PGC: variants seen among roughly 807,000 people sequenced by gnomAD.
PGC encodes progastricsin.
Under a neutral mutation model 45.9 loss-of-function variants are expected in PGC, and 31 were observed. That is an observed-to-expected ratio of 0.67 (90% CI 0.51 to 0.91). The LOEUF (loss-of-function observed/expected upper bound fraction) is 0.91. PGC is among the 40% of genes least tolerant of loss of function. PGC has a pLI of 0.00. For missense variants in PGC, 477 were observed against 493.2 expected (o/e 0.97, Z 0.31); for synonymous variants, 192 against 201.8 (o/e 0.95, Z 0.41).
chr6:41,741,334 G>A, intron 5 of PGC: 5 of 1,037,090 alleles, frequency 4.8e-6, no homozygotes, highest in South Asian at 1.8e-5. Context: ...GTCCAATGAA[G>A]CTAACTGTCT....
Position 41,743,258 on chromosome 6 carries a change from C to T in PGC, c.447+13G>A. ...GCTCACAGCCCCAGCCTCCACTCCC[C>T]ATGCCCACTCACAGTCAGGGTGTCA... On this transcript the variant is annotated intron_variant, in intron 4 of 8. Coordinates refer to ENST00000373025, the MANE Select transcript of PGC (RefSeq NM_002630.4). 1.3e-6 allele frequency: 2 copies of T among 1,510,132 alleles called. No individual in the cohort carries two copies. The highest frequency in any genetic ancestry group is 4.5e-5 in the East Asian group (2 of 44,376). The allele number at this position is 1,510,132 out of a possible 1,614,324, so 93.5% of individuals were successfully genotyped here.
intron 5 of PGC, chr6:41,741,023 G>C: frequency 6.5e-7 from 1 of 1,536,422 alleles, no homozygotes; most frequent in Non-Finnish European, 8.7e-7. Flanking sequence ...TAGTGGTTGG[G>C]ACCCCCAGCC....
intron 1 of PGC, among the ~76,000 whole-genome samples, chr6:41,746,890 C>T (rs1276988764): frequency 6.6e-6 from 1 of 152,188 alleles, no homozygotes; most frequent in Non-Finnish European, 1.5e-5. Flanking sequence ...AATTTTCAGC[C>T]TTAAAGCAAC....
Position 41,744,361 on chromosome 6 carries a change from T to TG in PGC, c.328+35dup. ...CCCAGAGGGTATCAGTGCCTTGCCC[T>TG]GCCAACCACCCCTCTCTGCCCAGCC... On this transcript the variant is annotated intron_variant, in intron 3 of 8. Coordinates refer to ENST00000373025, the MANE Select transcript of PGC (RefSeq NM_002630.4). The surrounding 1 kb of genome is among the most constrained non-coding windows in gnomAD (Gnocchi z 4.4). 2 of 1,490,788 alleles carry TG rather than the reference T, an allele frequency of 1.3e-6. No homozygotes were observed. The highest frequency in any genetic ancestry group is 2.3e-5 in the East Asian group (1 of 44,004). 92.3% of individuals were successfully genotyped at this position (1,490,788 alleles called of 1,614,324 possible). A position where few individuals can be genotyped will look rare whatever the true frequency, so the allele number is the denominator to read the frequency against.
In PGC at chr6:41,745,473, C is replaced by T. The variant is rs6458237; in HGVS notation, c.60-665G>A. ...CAGGCTGGTCTTGATCTCCTGACCT[C>T]GTGACTCGCCTGCCTAGGCCTCCCA... On this transcript the variant is annotated intron_variant, in intron 1 of 8. Transcript: ENST00000373025. Among the ~76,000 whole-genome samples the T allele has an allele frequency of 4.0e-3, 610 of 151,456 alleles. 4 individuals carry two copies. Among genetic ancestry groups the T allele is most frequent in the African/African-American group, 0.014 (577 of 41,212 alleles).
At position 41,742,816 on chromosome 6, in the gene PGC, G is replaced by C. The variant is rs537591898; in HGVS notation, c.448-327C>G. On this transcript the variant is annotated intron_variant, in intron 4 of 8. Transcript: ENST00000373025. ...ATTTTTTGTACTTTTAATAGAGACA[G>C]GGTTTCACCATGTTGGCCAGGATGG... Among the ~76,000 whole-genome samples the C allele has an allele frequency of 3.3e-3, 505 of 152,314 alleles. 1 individual carries two copies. Among genetic ancestry groups the C allele is most frequent in the Non-Finnish European group, 5.6e-3 (382 of 68,026 alleles).
rs1245016016 is a variant in PGC, at chr6:41,744,858, C to T, written c.60-50G>A. 7 of 1,521,844 alleles carry T rather than the reference C, an allele frequency of 4.6e-6. No homozygotes were observed. In the African/African-American group the frequency reaches 6.9e-5, roughly 15 times the overall value. The allele number at this position is 1,521,844 out of a possible 1,614,324, so 94.3% of individuals were successfully genotyped here. A position where few individuals can be genotyped will look rare whatever the true frequency, so the allele number is the denominator to read the frequency against. On this transcript the variant is annotated intron_variant, in intron 1 of 8. Coordinates refer to ENST00000373025, the MANE Select transcript of PGC (RefSeq NM_002630.4). This position sits in a 1 kb window ranked among gnomAD's most constrained non-coding sequence, Gnocchi z 4.4. ...AAGGCCCTCCCTCCTTCCTCTCTTC[C>T]CACTCCTCTCTTTCTCTCTCTCCTT...
Position 41,743,321 on chromosome 6 carries a change from G to A in PGC, c.397C>T (p.Gln133Ter). ...YSTNGQTFSL[Q>*]YGSGSLTGFF... ...CCGGTGAGGCTGCCACTGCCATACT[G>A]CAGGGAGAAGGTCTGCCCATTGGTG... is the stretch of plus-strand genomic sequence containing the variant. Residue 133 changes from glutamine (Q) to a stop codon, truncating the protein, a stop_gained, in exon 4 of 9, where the codon CAG becomes TAG. Coordinates refer to ENST00000373025, the MANE Select transcript of PGC (RefSeq NM_002630.4). LOFTEE classifies it high-confidence loss of function. The A allele has an allele frequency of 6.2e-7, 1 of 1,614,062 alleles. No homozygotes were observed. The highest frequency in any genetic ancestry group is 1.1e-5 in the South Asian group (1 of 91,080).
In PGC at chr6:41,744,557, G is replaced by A. The variant is rs772365713; in HGVS notation, c.211-43C>T. The A allele has an allele frequency of 4.4e-6, 7 of 1,589,394 alleles. No individual in the cohort carries two copies. The East Asian group carries it at 1.1e-4, about 25-fold the overall frequency. The stretch of plus-strand genomic sequence containing the variant: ...AGCTGTTAGTTCCAGAGGGATCCAG[G>A]GGCCCCAGGCTCCTCCATGGGCAGA... On this transcript the variant is annotated intron_variant, in intron 2 of 8. Transcript: ENST00000373025. The surrounding 1 kb of genome is among the most constrained non-coding windows in gnomAD (Gnocchi z 4.4).
At chr6:41,747,252 C>A in intron 1 of PGC, 24 bp downstream of exon 1, 2 of 1,609,252 alleles carry the variant, frequency 1.2e-6, no homozygotes, top group South Asian at 2.2e-5. Context: ...GCTCCCTGCA[C>A]CAGCAGCCAG....
chr6:41,740,826 A>T (rs1425298278), intron 5 of PGC: 2 of 1,428,160 alleles, frequency 1.4e-6, no homozygotes, highest in Non-Finnish European at 1.8e-6. Flanking sequence ...TGTCCCTTAG[A>T]CTGGGCCTCC....
intron 1 of PGC, 144 bp downstream of exon 1, chr6:41,747,132 A>G (rs1295708077): frequency 1.4e-6 from 1 of 695,754 alleles, no homozygotes; most frequent in East Asian, 2.6e-5. Context: ...TGTCCTGTCT[A>G]ACATCAGCAA....
intron 1 of PGC, among the ~76,000 whole-genome samples, chr6:41,746,755 G>C (rs1461910797): frequency 1.3e-5 from 2 of 152,216 alleles, no homozygotes; most frequent in Non-Finnish European, 2.9e-5. Flanking sequence ...AGGATGGCAG[G>C]CTGGGCGCCT....
chr6:41,747,197 C>T (rs904950297), intron 1 of PGC, 79 bp downstream of exon 1: 34 of 1,198,380 alleles, frequency 2.8e-5, no homozygotes, highest in Admixed American at 3.4e-5. Context: ...GGCAGGGTGT[C>T]CCCTGGCCCA....
rs1771903988 is a variant in PGC, at chr6:41,744,991, CT to C, written c.60-184del. 5.0e-5 allele frequency among the ~76,000 whole-genome samples: 2 copies of C among 39,892 alleles called. No homozygotes were observed. Among genetic ancestry groups the C allele is most frequent in the South Asian group, 1.5e-3 (2 of 1,328 alleles). The allele number at this position is 39,892 out of a possible 152,430, so 26.2% of individuals were successfully genotyped here. On this transcript the variant is annotated intron_variant, in intron 1 of 8. Transcript: ENST00000373025. This position sits in a 1 kb window ranked among gnomAD's most constrained non-coding sequence, Gnocchi z 4.4. ...TTGCTCTCTGTCTCTGTCTGTCTGT[CT>C]CTCTGTGTGTGTGTGTGTGTGTGCG...
chr6:41,745,556 T>G (rs1369131834), intron 1 of PGC, among the ~76,000 whole-genome samples: 3 of 149,982 alleles, frequency 2.0e-5, no homozygotes, highest in Non-Finnish European at 3.0e-5. Flanking sequence ...GTAGTTTTTT[T>G]TTTTTTTTTT....
chr6:41,737,746 G>A lies in PGC; in HGVS notation c.998C>T (p.Ser333Phe), dbSNP rs1771713812. The change falls in exon 8 of 9, where the codon TCC (serine) becomes TTC (phenylalanine). Residue 333 changes from serine (S) to phenylalanine (F), a missense_variant. By Grantham distance (155) the Ser-to-Phe change is radical. Transcript: ENST00000373025. The part of the protein sequence containing the change: ...INGVEFPLPP[S>F]SYILSNNGYC... The stretch of plus-strand genomic sequence containing the variant: ...AGGACTTACACTGAGGATATAGGAG[G>A]AAGGTGGCAGAGGGAACTCCACACC... The A allele has an allele frequency of 6.2e-7, 1 of 1,600,202 alleles. No homozygotes were observed. The highest frequency in any genetic ancestry group is 8.6e-7 in the Non-Finnish European group (1 of 1,167,312).
chr6:41,742,425 A>C lies in PGC; in HGVS notation c.512T>G (p.Phe171Cys), dbSNP rs750972196. ...GLSENEPGTN[F>C]VYAQFDGIMG... ...GATGCCATCAAACTGCGCATAGACG[A>C]AGTTGGTACCAGGCTCATTCTCACT... is the stretch of plus-strand genomic sequence containing the variant. Residue 171 changes from phenylalanine (F) to cysteine (C), a missense_variant, in exon 5 of 9, where the codon TTC (phenylalanine) becomes TGC (cysteine). Physicochemically the swap from Phe to Cys is radical, Grantham distance 205. Transcript: ENST00000373025. The C allele has an allele frequency of 2.5e-6, 4 of 1,613,980 alleles. No homozygotes were observed. The East Asian group carries it at 8.9e-5, about 36-fold the overall frequency.
chr6:41,747,156 T>C (rs2127293369), intron 1 of PGC, 120 bp downstream of exon 1: 1 of 811,030 alleles, frequency 1.2e-6, no homozygotes, highest in East Asian at 2.5e-5. Flanking sequence ...GAGACTTCCC[T>C]TCCCCTAGCA....
Sources: gnomAD v4.1 joint callset for allele counts (sites outside exome capture counted in the v4.1 genomes callset) on GRCh38, gnomAD v4.1.1 for gene constraint, Gnocchi (gnomAD v3.1) non-coding constraint, MANE v1.5 for transcripts, NCBI Gene and HGNC (gene_info 2026-07-23, HGNC 2026-07-21) for gene names.